CYFIP1: variants seen among roughly 807,000 people sequenced by gnomAD.
CYFIP1 encodes the protein cytoplasmic FMR1 interacting protein 1, also known as cytoplasmic FMR1-interacting protein 1.
In CYFIP1, 58 loss-of-function variants were observed where a neutral mutation model predicts 163.5. The ratio of observed to expected loss-of-function variants is 0.35; its 90% CI spans 0.29 to 0.44. The LOEUF (loss-of-function observed/expected upper bound fraction) is 0.44. Ranked by LOEUF, CYFIP1 falls within the 20% of genes least tolerant of loss-of-function variation. The pLI, the probability that CYFIP1 is intolerant of heterozygous loss-of-function variation, is 1.00. For missense variants in CYFIP1, 1,338 were observed against 1,653.8 expected (o/e 0.81, Z 3.31); for synonymous variants, 663 against 660.7 (o/e 1.00, Z -0.05).
intron 24 of CYFIP1, among the ~76,000 whole-genome samples, chr15:22,882,567 G>A (rs1056193758): frequency 1.3e-5 from 2 of 152,224 alleles, no homozygotes; most frequent in Non-Finnish European, 2.9e-5. Flanking sequence ...CACTTTGGGA[G>A]GCCAAGATGG....
chr15:22,885,597 G>T (rs1012447126), intron 23 of CYFIP1, among the ~76,000 whole-genome samples: 1 of 152,144 alleles, frequency 6.6e-6, no homozygotes, highest in African/African-American at 2.4e-5. Flanking sequence ...ACTGGGCATG[G>T]TGGTGGGCAC....
chr15:22,875,887 T>TAC (rs1241154907), intron 26 of CYFIP1, among the ~76,000 whole-genome samples: 14,438 of 143,494 alleles, frequency 0.1, 1,495 homozygotes, highest in Admixed American at 0.2. Context: ...CAGAATAACA[T>TAC]ATATATATAT....
chr15:22,872,147 C>T (rs4778290), intron 30 of CYFIP1, among the ~76,000 whole-genome samples: 127,901 of 151,826 alleles, frequency 0.84, 53,942 homozygotes, highest in East Asian at 0.93. Context: ...ATACAAAAAT[C>T]AGCCGGGCGT....
chr15:22,951,480 C>T (rs1259235820), intron 1 of CYFIP1: 1 of 1,289,092 alleles, frequency 7.8e-7, no homozygotes, highest in South Asian at 1.2e-5. Context: ...TGATGCCGCT[C>T]GGAGGGGCCA....
At chr15:22,932,640 G>T (rs1341382644) in intron 10 of CYFIP1, among the ~76,000 whole-genome samples, 1 of 152,156 alleles carries the variant, frequency 6.6e-6, no homozygotes, top group Non-Finnish European at 1.5e-5. Context: ...CGGGCACAGT[G>T]CTTGGCAAAA....
chr15:22,962,823 A>G (rs2062734198), intron 1 of CYFIP1, among the ~76,000 whole-genome samples: 1 of 152,206 alleles, frequency 6.6e-6, no homozygotes, highest in African/African-American at 2.4e-5. Context: ...AGACGCATGC[A>G]CGCTGCCAGG....
At chr15:22,905,405 T>C (rs1342932156) in intron 21 of CYFIP1, 1 of 152,180 alleles carries the variant, frequency 6.6e-6, no homozygotes, top group Non-Finnish European at 1.5e-5. Context: ...TCATCCATGA[T>C]GATGATCATC....
chr15:22,879,162 T>C (rs1199239682), intron 26 of CYFIP1, among the ~76,000 whole-genome samples: 1 of 147,538 alleles, frequency 6.8e-6, no homozygotes, highest in Non-Finnish European at 1.5e-5. Context: ...AAAAAGAAAA[T>C]AGGCCGAAGA....
intron 17 of CYFIP1, among the ~76,000 whole-genome samples, chr15:22,913,388 C>T (rs1383537028): frequency 2.1e-5 from 3 of 143,948 alleles, no homozygotes; most frequent in African/African-American, 7.8e-5. Flanking sequence ...ATTAGCCGGG[C>T]GTGGTGGTGG....
intron 22 of CYFIP1, among the ~76,000 whole-genome samples, chr15:22,900,332 G>A (rs916008638): frequency 2.6e-5 from 4 of 152,034 alleles, no homozygotes; most frequent in Admixed American, 6.6e-5. Flanking sequence ...CAGAGGGGGC[G>A]TGGTCCTGCT....
chr15:22,891,992 A>G (rs1256137556), intron 23 of CYFIP1, among the ~76,000 whole-genome samples: 1 of 152,190 alleles, frequency 6.6e-6, no homozygotes, highest in Non-Finnish European at 1.5e-5. Flanking sequence ...GCTTCCTACA[A>G]GCGAGGACAC....
chr15:22,949,642 C>T (rs189249227), intron 1 of CYFIP1, among the ~76,000 whole-genome samples: 23 of 152,096 alleles, frequency 1.5e-4, no homozygotes, highest in African/African-American at 5.1e-4. Context: ...AAATACATAA[C>T]AAGTAAATTA....
chr15:22,952,659 C>CAAAAAAAAAAAGAAAA (rs2062295179), intron 1 of CYFIP1, among the ~76,000 whole-genome samples: 1 of 45,678 alleles, frequency 2.2e-5, no homozygotes, highest in Admixed American at 4.2e-4. Context: ...GACTCCATCT[C>CAAAAAAAAAAAGAAAA]AAAAAAAAAA....
chr15:22,949,092 C>G (rs757019877), intron 1 of CYFIP1, among the ~76,000 whole-genome samples: 5 of 152,174 alleles, frequency 3.3e-5, no homozygotes, highest in African/African-American at 4.8e-5. Flanking sequence ...ACAAGACAAA[C>G]AAGAAATCCA....
chr15:22,947,810 T>G, intron 1 of CYFIP1: 119 of 352,354 alleles, frequency 3.4e-4, no homozygotes, highest in Non-Finnish European at 4.5e-4. Context: ...ACAGACAGGC[T>G]GAGATTGCAA....
At chr15:22,927,659 A>C (rs532404947) in intron 12 of CYFIP1, among the ~76,000 whole-genome samples, 2 of 152,198 alleles carry the variant, frequency 1.3e-5, no homozygotes, top group Non-Finnish European at 2.9e-5. Flanking sequence ...ATCTCAAAAA[A>C]AGAACGACTT....
chr15:22,904,011 C>CCT, intron 21 of CYFIP1, 106 bp from the exon 22 acceptor site: 5 of 1,057,446 alleles, frequency 4.7e-6, no homozygotes, highest in Non-Finnish European at 5.6e-6. Flanking sequence ...GGCAGGGCTG[C>CCT]ACGGAGGCAG....
intron 1 of CYFIP1, among the ~76,000 whole-genome samples, chr15:22,957,625 G>C (rs895744450): frequency 6.6e-6 from 1 of 152,174 alleles, no homozygotes; most frequent in Non-Finnish European, 1.5e-5. Flanking sequence ...GACAGAGCAA[G>C]ACTCCATCTC....
chr15:22,922,325 C>G (rs2061212262), intron 13 of CYFIP1, among the ~76,000 whole-genome samples: 1 of 152,188 alleles, frequency 6.6e-6, no homozygotes, highest in Non-Finnish European at 1.5e-5. Flanking sequence ...AGTAAAAACC[C>G]AGGACCCCAA....
Sources: gnomAD v4.1 joint callset for allele counts (sites outside exome capture counted in the v4.1 genomes callset) on GRCh38, gnomAD v4.1.1 for gene constraint, MANE v1.5 for transcripts, NCBI Gene and HGNC (gene_info 2026-07-23, HGNC 2026-07-21) for gene names.